The following SUMF1 variants were observed in gnomAD, a reference collection of about 807,000 sequenced individuals.
SUMF1 encodes the protein sulfatase modifying factor 1.
In SUMF1, 48 loss-of-function variants were observed where a neutral mutation model predicts 47.6. The observed-to-expected ratio is 1.01, with a 90% CI of 0.80 to 1.28. The LOEUF (loss-of-function observed/expected upper bound fraction) is 1.28. Among genes scored for constraint, SUMF1 ranks in the 50% most tolerant of loss-of-function variants. The pLI is 0.00. For synonymous variants in SUMF1, 230 were observed against 192.1 expected (o/e 1.20, Z -1.63); for missense variants, 571 against 485.4 (o/e 1.18, Z -1.66).
chr3:4,204,828 A>T (rs1695617773), intron 8 of SUMF1, among the ~76,000 whole-genome samples: 1 of 151,086 alleles, frequency 6.6e-6, no homozygotes, highest in Non-Finnish European at 1.5e-5. Context: ...TCTCTGCTTG[A>T]TTTTTTTTAT....
chr3:4,145,150 G>T (rs535501022), intron 8 of SUMF1, among the ~76,000 whole-genome samples: 1 of 136,810 alleles, frequency 7.3e-6, no homozygotes, highest in Non-Finnish European at 1.5e-5. Context: ...CGGCCATCGC[G>T]CCACTGCACT....
chr3:4,209,486 T>A (rs1695732536), intron 8 of SUMF1, among the ~76,000 whole-genome samples: 1 of 152,138 alleles, frequency 6.6e-6, no homozygotes, highest in Admixed American at 6.5e-5. Flanking sequence ...AGTATTTAAA[T>A]TATTTAATCT....
intron 8 of SUMF1, among the ~76,000 whole-genome samples, chr3:4,160,689 T>C (rs1694555501): frequency 6.6e-6 from 1 of 152,112 alleles, no homozygotes; most frequent in Admixed American, 6.6e-5. Context: ...TCCATCTCTT[T>C]GTTAAATTTA....
chr3:4,041,423 A>G (rs1351945), intron 9 of SUMF1, among the ~76,000 whole-genome samples: 150,037 of 152,256 alleles, frequency 0.99, 73,967 homozygotes, highest in Middle Eastern at 1. Flanking sequence ...TTTCCCTTTC[A>G]CGTTCACCTG....
At chr3:4,037,637 T>A (rs1694823125) in intron 9 of SUMF1, among the ~76,000 whole-genome samples, 1 of 152,206 alleles carries the variant, frequency 6.6e-6, no homozygotes, top group Non-Finnish European at 1.5e-5. Context: ...CTATCTATAT[T>A]CTCAATTCTA....
chr3:4,185,010 A>C (rs1184172362), intron 8 of SUMF1, among the ~76,000 whole-genome samples: 2 of 152,162 alleles, frequency 1.3e-5, no homozygotes, highest in East Asian at 3.9e-4. Context: ...ATTTAAAATA[A>C]GGTAAAATCA....
At chr3:4,167,682 C>A (rs547995428) in intron 8 of SUMF1, among the ~76,000 whole-genome samples, 14 of 152,296 alleles carry the variant, frequency 9.2e-5, no homozygotes, top group South Asian at 6.2e-4. Flanking sequence ...TGGCTCTTCA[C>A]CTATCAGTAG....
intron 8 of SUMF1, among the ~76,000 whole-genome samples, chr3:4,128,757 C>T (rs1036736097): frequency 6.6e-6 from 1 of 151,944 alleles, no homozygotes; most frequent in African/African-American, 2.4e-5. Context: ...ATCTGGAGAA[C>T]GGGCATGGGA....
At chr3:4,179,934 C>G (rs1309468062) in intron 8 of SUMF1, among the ~76,000 whole-genome samples, 2 of 152,130 alleles carry the variant, frequency 1.3e-5, no homozygotes, top group Non-Finnish European at 1.5e-5. Flanking sequence ...CCAAAAGACA[C>G]ATGAAAAAAT....
At chr3:4,273,973 A>G (rs770007296) in intron 8 of SUMF1, among the ~76,000 whole-genome samples, 3 of 152,022 alleles carry the variant, frequency 2.0e-5, no homozygotes, top group Non-Finnish European at 2.9e-5. Context: ...AGAATACGTC[A>G]TATCAGCAGG....
intron 8 of SUMF1, among the ~76,000 whole-genome samples, chr3:4,138,041 T>C (rs1329670313): frequency 6.6e-6 from 1 of 151,814 alleles, no homozygotes; most frequent in Non-Finnish European, 1.5e-5. Flanking sequence ...AAAATAAAAT[T>C]AAGAAAACTC....
At chr3:4,261,923 G>C (rs1310947452) in intron 8 of SUMF1, among the ~76,000 whole-genome samples, 2 of 152,102 alleles carry the variant, frequency 1.3e-5, no homozygotes, top group Non-Finnish European at 2.9e-5. Flanking sequence ...CCTTTCAGGG[G>C]CTACCCTTGA....
At chr3:4,339,757 C>A (rs185146248) in intron 8 of SUMF1, among the ~76,000 whole-genome samples, 2 of 152,218 alleles carry the variant, frequency 1.3e-5, no homozygotes, top group Non-Finnish European at 2.9e-5. Flanking sequence ...TTTTTGCACC[C>A]ATCCAAATCA....
chr3:4,456,092 T>C (rs1327163481), intron 1 of SUMF1, among the ~76,000 whole-genome samples: 1 of 152,172 alleles, frequency 6.6e-6, no homozygotes, highest in Non-Finnish European at 1.5e-5. Flanking sequence ...AAATGTGATA[T>C]ACCATGTTAG....
intron 8 of SUMF1, among the ~76,000 whole-genome samples, chr3:4,267,641 A>G (rs1697223689): frequency 6.6e-6 from 1 of 152,012 alleles, no homozygotes; most frequent in Non-Finnish European, 1.5e-5. Context: ...AAAAATGCTC[A>G]CCATAACTGG....
At chr3:4,214,816 G>T (rs1172563007) in intron 8 of SUMF1, among the ~76,000 whole-genome samples, 1 of 151,960 alleles carries the variant, frequency 6.6e-6, no homozygotes, top group Non-Finnish European at 1.5e-5. Flanking sequence ...TAAATTCCTG[G>T]ACACATACAC....
At chr3:4,450,114 A>G (rs943272797) in intron 2 of SUMF1, among the ~76,000 whole-genome samples, 5 of 152,162 alleles carry the variant, frequency 3.3e-5, no homozygotes, top group Non-Finnish European at 7.4e-5. Flanking sequence ...TCAGCTGGTT[A>G]AAACTACATA....
At position 4,128,391 on chromosome 3, in the gene SUMF1, T is replaced by C. The variant is rs551616097; in HGVS notation, c.1015-59646A>G. Among the ~76,000 whole-genome samples the C allele has an allele frequency of 5.3e-5, 8 of 152,278 alleles. No homozygotes were observed. The South Asian group carries it at 1.7e-3, about 32-fold the overall frequency. On this transcript the variant is annotated intron_variant and NMD_transcript_variant, in intron 8 of 12. Coordinates refer to the SUMF1 transcript ENST00000448413. ...GTTTGTAAACTCTGATAAACTTTTC[T>C]TGCCAGAAGAAACAGCTTCCCTATC...
chr3:4,449,208 C>G (rs1308516015), intron 3 of SUMF1, 58 bp downstream of exon 3: 4 of 1,599,882 alleles, frequency 2.5e-6, no homozygotes, highest in Non-Finnish European at 1.7e-6. Context: ...GATTTTTCAC[C>G]CAAACCCTTT....
Sources: gnomAD v4.1 joint callset for allele counts (sites outside exome capture counted in the v4.1 genomes callset) on GRCh38, gnomAD v4.1.1 for gene constraint, MANE v1.5 for transcripts, NCBI Gene and HGNC (gene_info 2026-07-23, HGNC 2026-07-21) for gene names.